KIF16B: variants seen among roughly 807,000 people sequenced by gnomAD.
The protein encoded by KIF16B is kinesin-like protein KIF16B.
A neutral mutation model predicts 156.3 loss-of-function variants in KIF16B; 98 were observed. The ratio of observed to expected loss-of-function variants is 0.63; its 90% confidence interval spans 0.53 to 0.74. The LOEUF (loss-of-function observed/expected upper bound fraction) is 0.74, where lower values mean the gene tolerates loss of function less well. KIF16B is among the 30% of genes least tolerant of loss of function. The probability of loss-of-function intolerance (pLI) is 0.00; values close to 1 mark genes in which losing one functional copy is unlikely to be tolerated. For missense variants in KIF16B, 1,421 were observed against 1,606.5 expected, an observed-to-expected ratio of 0.88 and a Z score of 1.97; for synonymous variants, 564 against 583.7, an observed-to-expected ratio of 0.97 and a Z score of 0.49.
intron 14 of KIF16B, 92 bp downstream of exon 14, chr20:16,428,861 T>C: frequency 1.0e-6 from 1 of 999,840 alleles, no homozygotes; most frequent in South Asian, 1.3e-5. Context: ...TAATTTTCTA[T>C]AATTACTTCA....
chr20:16,312,168 C>T (rs2063628910), intron 25 of KIF16B, among the ~76,000 whole-genome samples, 167 bp downstream of exon 25: 1 of 152,190 alleles, frequency 6.6e-6, no homozygotes, highest in African/African-American at 2.4e-5. Context: ...GTATTTTAAA[C>T]AAGCTGATAT....
chr20:16,544,676 C>G (rs1001264855), intron 1 of KIF16B, among the ~76,000 whole-genome samples: 1 of 148,480 alleles, frequency 6.7e-6, no homozygotes, highest in African/African-American at 2.5e-5. Context: ...TAGCCAGTAT[C>G]TTCTGGGTGA....
intron 24 of KIF16B, among the ~76,000 whole-genome samples, chr20:16,324,186 T>C (rs2063810372): frequency 6.6e-6 from 1 of 152,064 alleles, no homozygotes; most frequent in Non-Finnish European, 1.5e-5. Context: ...CTGTCATTGT[T>C]ATCATCCATG....
At chr20:16,504,067 C>A (rs1184314316) in intron 10 of KIF16B, among the ~76,000 whole-genome samples, 1 of 152,206 alleles carries the variant, frequency 6.6e-6, no homozygotes, top group Non-Finnish European at 1.5e-5. Context: ...ATATCAATTT[C>A]TTTCCACTTA....
At chr20:16,502,674 G>C (rs2068659984) in intron 10 of KIF16B, among the ~76,000 whole-genome samples, 1 of 152,104 alleles carries the variant, frequency 6.6e-6, no homozygotes. Context: ...ATTTTTCAGA[G>C]AGAAAATGTA....
chr20:16,276,053 C>T (rs1370627716), intron 25 of KIF16B, among the ~76,000 whole-genome samples: 10 of 152,232 alleles, frequency 6.6e-5, no homozygotes, highest in African/African-American at 1.9e-4. Context: ...GCACAGGCCT[C>T]ATCTCAGGTA....
At chr20:16,382,600 A>G (rs1002490139) in intron 17 of KIF16B, among the ~76,000 whole-genome samples, 6 of 152,210 alleles carry the variant, frequency 3.9e-5, no homozygotes, top group African/African-American at 1.2e-4. Flanking sequence ...ACAACTCACT[A>G]AAATAATAAC....
At chr20:16,549,674 G>A (rs2070563862) in intron 1 of KIF16B, among the ~76,000 whole-genome samples, 1 of 149,494 alleles carries the variant, frequency 6.7e-6, no homozygotes, top group Non-Finnish European at 1.5e-5. Context: ...ACAGAACAGA[G>A]CCCTCAGAAA....
At position 16,456,650 on chromosome 20, in the gene KIF16B, C is replaced by G. The variant is rs2067219973; in HGVS notation, c.1303-26668G>C. 2.0e-5 allele frequency among the ~76,000 whole-genome samples: 3 copies of G among 152,080 alleles called. No homozygotes were observed. In the South Asian group the frequency reaches 6.3e-4, roughly 32 times the overall value. On this transcript the variant is annotated intron_variant, in intron 12 of 25. Transcript: ENST00000354981. ...ATTACATAAGTGGTAAATAGTGTAC[C>G]CAGATTGGACCTTAAGTAGTCTGAC...
At position 16,379,507 on chromosome 20, in the gene KIF16B, TG is replaced by T; in HGVS notation, c.2494del (p.Gln832SerfsTer5). The T allele has an allele frequency of 6.2e-7, 1 of 1,614,210 alleles. No homozygotes were observed. The highest frequency in any genetic ancestry group is 1.1e-5 in the South Asian group (1 of 91,088). ...CTCCAAGTTCACTAGCTTGACAAGC[TG>T]CCTTCTCTTGAATTCGAAGAAACGC... ...QLRFFEFKRR[Q>X]LVKLVNLEKD... On this transcript the variant is annotated frameshift_variant, in exon 19 of 26. Transcript: ENST00000354981. LOFTEE classifies it high-confidence loss of function.
At chr20:16,310,964 C>T (rs901779400) in intron 25 of KIF16B, among the ~76,000 whole-genome samples, 6 of 152,216 alleles carry the variant, frequency 3.9e-5, no homozygotes, top group African/African-American at 7.2e-5. Flanking sequence ...TTCTCCTTTG[C>T]TCCCACTTCT....
intron 12 of KIF16B, among the ~76,000 whole-genome samples, chr20:16,479,375 G>C (rs1202301308): frequency 6.6e-6 from 1 of 152,120 alleles, no homozygotes; most frequent in Non-Finnish European, 1.5e-5. Flanking sequence ...ATGGGGCAGG[G>C]GGAGGGAGAG....
intron 23 of KIF16B, among the ~76,000 whole-genome samples, chr20:16,345,812 C>A (rs984693918): frequency 6.6e-6 from 1 of 152,192 alleles, no homozygotes; most frequent in Non-Finnish European, 1.5e-5. Flanking sequence ...AATAGCTAGG[C>A]AGGAGGAACG....
chr20:16,361,287 T>C (rs1410014656), intron 22 of KIF16B, among the ~76,000 whole-genome samples: 2 of 152,092 alleles, frequency 1.3e-5, no homozygotes, highest in African/African-American at 2.4e-5. Context: ...ACGACGAAGA[T>C]TTGGGGAAAG....
chr20:16,354,523 G>A (rs1007762375), intron 23 of KIF16B, among the ~76,000 whole-genome samples: 1 of 150,942 alleles, frequency 6.6e-6, no homozygotes, highest in African/African-American at 2.4e-5. Flanking sequence ...ATTTAGAATG[G>A]TTGAGAACAA....
At chr20:16,308,765 T>A (rs990322548) in intron 25 of KIF16B, among the ~76,000 whole-genome samples, 1 of 152,256 alleles carries the variant, frequency 6.6e-6, no homozygotes, top group Admixed American at 6.5e-5. Flanking sequence ...CTCCACCATT[T>A]CTGGTCTACA....
intron 19 of KIF16B, among the ~76,000 whole-genome samples, chr20:16,375,479 C>A (rs2064925145): frequency 6.6e-6 from 1 of 152,118 alleles, no homozygotes. Context: ...TGAGGGTAAG[C>A]ACTCATGGGA....
At chr20:16,558,239 CAG>C in intron 1 of KIF16B, among the ~76,000 whole-genome samples, 1 of 152,336 alleles carries the variant, frequency 6.6e-6, no homozygotes, top group East Asian at 1.9e-4. Flanking sequence ...TCTCTAGACA[CAG>C]AGTGTGGCAG....
At chr20:16,281,855 G>C (rs1420006761) in intron 25 of KIF16B, among the ~76,000 whole-genome samples, 1 of 151,976 alleles carries the variant, frequency 6.6e-6, no homozygotes, top group Non-Finnish European at 1.5e-5. Flanking sequence ...TCCCATGGGT[G>C]CTTTGCTCCC....
Sources: gnomAD v4.1 joint callset for allele counts (sites outside exome capture counted in the v4.1 genomes callset) on GRCh38, gnomAD v4.1.1 for gene constraint, MANE v1.5 for transcripts, NCBI Gene and HGNC (gene_info 2026-07-23, HGNC 2026-07-21) for gene names.